Variants in GUCY2C observed in about 807,000 individuals in gnomAD.
GUCY2C encodes the protein guanylate cyclase 2C.
A neutral mutation model predicts 131.1 loss-of-function variants in GUCY2C; 118 were observed. The ratio of observed to expected loss-of-function variants is 0.90; its 90% CI spans 0.78 to 1.05. GUCY2C has a LOEUF of 1.05. Among genes scored for constraint, GUCY2C ranks in the 50% least tolerant of loss-of-function variants. The pLI, the probability that GUCY2C is intolerant of heterozygous loss-of-function variation, is 0.00. For synonymous variants in GUCY2C, 452 were observed against 457.8 expected (o/e 0.99, Z 0.16); for missense variants, 1,161 against 1,304.4 (o/e 0.89, Z 1.69).
chr12:14,618,537 C>A (rs1222622409), intron 24 of GUCY2C, among the ~76,000 whole-genome samples: 1 of 151,938 alleles, frequency 6.6e-6, no homozygotes, highest in Non-Finnish European at 1.5e-5. Flanking sequence ...AAATCAATTT[C>A]CAGAAAAAAC....
Position 14,656,536 on chromosome 12 carries a change from A to G in GUCY2C, c.1446T>C (p.Asn482=), listed in dbSNP as rs1947766688. ...PPENIFPLET[N]ETNHVSLKID... is the part of the protein sequence containing the mutation. The stretch of plus-strand genomic sequence containing the variant: ...CCTTGAGGCTAACATGATTGGTCTC[A>G]TTGGTCTCCAGAGGAAAGATATTTT... The change falls in exon 12 of 27, where the codon AAT becomes AAC. Residue 482 remains asparagine (N), a synonymous_variant. Coordinates refer to ENST00000261170, the MANE Select transcript of GUCY2C (RefSeq NM_004963.4). 1 of 1,591,684 alleles carries G rather than the reference A, an allele frequency of 6.3e-7. No individual in the cohort carries two copies. Among genetic ancestry groups the G allele is most frequent in the Non-Finnish European group, 8.6e-7 (1 of 1,159,662 alleles).
Position 14,696,400 on chromosome 12 carries a change from G to T in GUCY2C, c.49C>A (p.Pro17Thr), listed in dbSNP as rs138766659. ...TGGGAACTAAAGGACAGCCACCCGG[G>T]CTGGAAGAGCAGTGACCACAAAGCC... ...DLALWSLLFQPGWLSFSSQVS... is the reference protein window; with the variant it reads ...DLALWSLLFQTGWLSFSSQVS... Residue 17 changes from proline to threonine, a missense_variant, in exon 1 of 27, where the codon CCC becomes ACC. By Grantham distance (38) the Pro-to-Thr change is conservative. Transcript: ENST00000261170. 405 of 1,614,098 alleles carry T rather than the reference G, an allele frequency of 2.5e-4. 2 individuals are homozygous for T. In the Middle Eastern group the frequency reaches 2.6e-3, roughly 11 times the overall value.
At chr12:14,659,042 ATTTC>A (rs1370510706) in intron 11 of GUCY2C, among the ~76,000 whole-genome samples, 1 of 149,184 alleles carries the variant, frequency 6.7e-6, no homozygotes, top group Non-Finnish European at 1.5e-5. Flanking sequence ...TACCAACATC[ATTTC>A]TTTCTTTTTT....
At chr12:14,626,895 A>G (rs890646044) in intron 20 of GUCY2C, among the ~76,000 whole-genome samples, 2 of 152,170 alleles carry the variant, frequency 1.3e-5, no homozygotes, top group Non-Finnish European at 2.9e-5. Flanking sequence ...ACAATTTGCA[A>G]TGAAGGAAAA....
intron 15 of GUCY2C, among the ~76,000 whole-genome samples, chr12:14,648,346 C>T (rs2137033041): frequency 6.6e-6 from 1 of 151,960 alleles, no homozygotes; most frequent in East Asian, 1.9e-4. Context: ...TTGAAAAAAT[C>T]CTGACACATA....
At chr12:14,640,151 C>T (rs867735726) in intron 18 of GUCY2C, among the ~76,000 whole-genome samples, 1 of 152,086 alleles carries the variant, frequency 6.6e-6, no homozygotes, top group Admixed American at 6.6e-5. Context: ...CCACTTATAA[C>T]CAGAAGGTTA....
chr12:14,684,225 T>C (rs1393161929), intron 3 of GUCY2C, among the ~76,000 whole-genome samples: 1 of 152,182 alleles, frequency 6.6e-6, no homozygotes, highest in Non-Finnish European at 1.5e-5. Context: ...AATATGGTCC[T>C]ACTTAATTTT....
intron 6 of GUCY2C, among the ~76,000 whole-genome samples, chr12:14,678,857 A>T (rs1262471713): frequency 1.3e-5 from 2 of 152,194 alleles, no homozygotes; most frequent in African/African-American, 2.4e-5. Context: ...ACAGCTTGTC[A>T]GTGGGGTCTC....
intron 10 of GUCY2C, chr12:14,665,792 T>G (rs1947966393): frequency 6.6e-6 from 1 of 152,166 alleles, no homozygotes; most frequent in Non-Finnish European, 1.5e-5. Flanking sequence ...GTTTTGTTAC[T>G]TAGTAGCTGT....
chr12:14,681,068 C>T (rs909872104), intron 5 of GUCY2C, among the ~76,000 whole-genome samples: 1 of 151,956 alleles, frequency 6.6e-6, no homozygotes, highest in African/African-American at 2.4e-5. Context: ...GAGGGTGGGT[C>T]ATAATATCAT....
At chr12:14,619,443 G>T in intron 23 of GUCY2C, 134 bp from the exon 24 acceptor site, 1 of 609,916 alleles carries the variant, frequency 1.6e-6, no homozygotes, top group Non-Finnish European at 3.0e-6. Context: ...GATGTGAAAT[G>T]TGAGCTGGGA....
intron 12 of GUCY2C, 55 bp downstream of exon 12, chr12:14,656,457 T>G: frequency 1.1e-6 from 1 of 878,004 alleles, no homozygotes. Flanking sequence ...TACTTAAGTC[T>G]TGTCAAATAC....
rs758647776 is a variant in GUCY2C, at chr12:14,628,754, CG to C, written c.2158-18del. ...TAGGTACACCTGGAAGAAAAAAAAA[CG>C]GGCAAATTAGCTAAGGGGATAGTAA... is the stretch of plus-strand genomic sequence containing the variant. On this transcript the variant is annotated intron_variant, in intron 19 of 26. Transcript: ENST00000261170. 12 of 1,040,438 alleles carry C rather than the reference CG, an allele frequency of 1.2e-5. No individual in the cohort carries two copies. Among genetic ancestry groups the C allele is most frequent in the African/African-American group, 1.7e-5 (1 of 59,250 alleles). The allele number at this position is 1,040,438 out of a possible 1,614,324, so 64.5% of individuals were successfully genotyped here.
At chr12:14,637,789 A>G (rs1434698486) in intron 19 of GUCY2C, among the ~76,000 whole-genome samples, 3 of 152,208 alleles carry the variant, frequency 2.0e-5, no homozygotes, top group Non-Finnish European at 4.4e-5. Flanking sequence ...GAAAACATAG[A>G]GAAAAGACTT....
intron 5 of GUCY2C, 98 bp downstream of exon 5, chr12:14,681,258 A>G (rs577058603): frequency 3.5e-5 from 35 of 1,011,876 alleles, no homozygotes; most frequent in East Asian, 4.8e-5. Flanking sequence ...AGTAAGGATG[A>G]TAGCTCTGCA....
At chr12:14,655,718 T>C (rs1429504418) in intron 12 of GUCY2C, among the ~76,000 whole-genome samples, 1 of 152,120 alleles carries the variant, frequency 6.6e-6, no homozygotes, top group Non-Finnish European at 1.5e-5. Context: ...AGGATAATTA[T>C]ATGGTGTATG....
At chr12:14,666,450 C>A (rs1157549575) in intron 10 of GUCY2C, among the ~76,000 whole-genome samples, 5 of 152,132 alleles carry the variant, frequency 3.3e-5, no homozygotes, top group Non-Finnish European at 7.4e-5. Context: ...AAAGAAAATG[C>A]CTGGCTGGGC....
intron 10 of GUCY2C, among the ~76,000 whole-genome samples, chr12:14,662,930 G>A (rs1947899270): frequency 6.6e-6 from 1 of 152,052 alleles, no homozygotes; most frequent in Non-Finnish European, 1.5e-5. Context: ...TACAAAGTGG[G>A]AGGCAAGATA....
chr12:14,645,174 A>G (rs1339725415), intron 16 of GUCY2C, 55 bp downstream of exon 16: 2 of 917,994 alleles, frequency 2.2e-6, no homozygotes, highest in Non-Finnish European at 3.5e-6. Context: ...ATAACTTGTT[A>G]GATCTGTTTT....
Sources: gnomAD v4.1 joint callset for allele counts (sites outside exome capture counted in the v4.1 genomes callset) on GRCh38, gnomAD v4.1.1 for gene constraint, MANE v1.5 for transcripts, NCBI Gene and HGNC (gene_info 2026-07-23, HGNC 2026-07-21) for gene names.